VPS13B: variants seen among roughly 807,000 people sequenced by gnomAD.
VPS13B encodes intermembrane lipid transfer protein VPS13B.
A neutral mutation model predicts 426.4 loss-of-function variants in VPS13B; 285 were observed. The observed-to-expected ratio is 0.67, with a 90% confidence interval of 0.61 to 0.74. VPS13B has a LOEUF of 0.74. Among genes scored for constraint, VPS13B ranks in the 30% least tolerant of loss-of-function variants. VPS13B has a pLI of 0.00. For synonymous variants in VPS13B, 1,676 were observed against 1,676.4 expected (o/e 1.00, Z 0.01); for missense variants, 4,537 against 4,782.6 (o/e 0.95, Z 1.51).
chr8:99,514,219 G>A (rs118096092), intron 29 of VPS13B, among the ~76,000 whole-genome samples: 1 of 152,006 alleles, frequency 6.6e-6, no homozygotes, highest in Non-Finnish European at 1.5e-5. Flanking sequence ...TCCTTCTAAG[G>A]CAAAATTTGC....
intron 19 of VPS13B, among the ~76,000 whole-genome samples, chr8:99,292,310 T>C (rs1819780148): frequency 6.6e-6 from 1 of 152,160 alleles, no homozygotes; most frequent in African/African-American, 2.4e-5. Flanking sequence ...GAAGCAGTCA[T>C]GCCCTACTTG....
At chr8:99,205,963 ATAAT>A (rs1814692053) in intron 17 of VPS13B, among the ~76,000 whole-genome samples, 1 of 152,218 alleles carries the variant, frequency 6.6e-6, no homozygotes, top group African/African-American at 2.4e-5. Context: ...TTTAATTAAA[ATAAT>A]AAATTATAAA....
intron 19 of VPS13B, among the ~76,000 whole-genome samples, chr8:99,278,621 A>G (rs1819014613): frequency 6.6e-6 from 1 of 152,178 alleles, no homozygotes; most frequent in African/African-American, 2.4e-5. Flanking sequence ...ACATTTTCCC[A>G]CCATGTTGGG....
At chr8:99,875,148 C>CAACT in intron 61 of VPS13B, 2 of 491,296 alleles carry the variant, frequency 4.1e-6, no homozygotes, top group Admixed American at 6.6e-5. Context: ...ATCAAATCGT[C>CAACT]AACTTCAAAC....
At chr8:99,791,104 G>C (rs1013835299) in intron 43 of VPS13B, among the ~76,000 whole-genome samples, 1 of 152,154 alleles carries the variant, frequency 6.6e-6, no homozygotes, top group Non-Finnish European at 1.5e-5. Context: ...ACACCAAGAA[G>C]AACAAGGGAG....
chr8:99,515,400 T>TTCCTCCTCCTCCTCCTCCTCC (rs751830064), intron 29 of VPS13B, among the ~76,000 whole-genome samples: 1 of 150,726 alleles, frequency 6.6e-6, no homozygotes, highest in African/African-American at 2.5e-5. Flanking sequence ...CTGCTTCTGC[T>TTCCTCCTCCTCCTCCTCCTCC]TCCTCCTCCT....
intron 35 of VPS13B, among the ~76,000 whole-genome samples, chr8:99,689,940 A>G (rs1475864018): frequency 1.3e-5 from 2 of 152,202 alleles, no homozygotes; most frequent in Non-Finnish European, 2.9e-5. Flanking sequence ...ACACCCAAGA[A>G]AAAGACAGTT....
chr8:99,822,238 C>T (rs1230446562), intron 50 of VPS13B, among the ~76,000 whole-genome samples: 1 of 152,154 alleles, frequency 6.6e-6, no homozygotes, highest in East Asian at 1.9e-4. Flanking sequence ...TTCAGATTGA[C>T]CTTTTTCAGG....
intron 16 of VPS13B, among the ~76,000 whole-genome samples, chr8:99,189,022 C>T (rs914609942): frequency 1.3e-5 from 2 of 152,180 alleles, no homozygotes; most frequent in Non-Finnish European, 1.5e-5. Flanking sequence ...GCCTCAGCCT[C>T]CCCAGTAACT....
chr8:99,606,014 G>T (rs1272186910), intron 33 of VPS13B, among the ~76,000 whole-genome samples: 1 of 152,002 alleles, frequency 6.6e-6, no homozygotes, highest in Non-Finnish European at 1.5e-5. Flanking sequence ...TCCCACCTCA[G>T]CCTCCTGAGC....
At chr8:99,445,069 G>A (rs1031239346) in intron 23 of VPS13B, among the ~76,000 whole-genome samples, 2 of 151,884 alleles carry the variant, frequency 1.3e-5, no homozygotes, top group African/African-American at 4.8e-5. Context: ...TCTTACAGTT[G>A]AGTTGTAAGA....
chr8:99,785,192 G>C (rs1588709405), intron 43 of VPS13B, among the ~76,000 whole-genome samples: 1 of 152,174 alleles, frequency 6.6e-6, no homozygotes, highest in African/African-American at 2.4e-5. Context: ...CAAAGATGTA[G>C]TCTTAAGTGA....
At chr8:99,331,272 T>A (rs1810527634) in intron 19 of VPS13B, among the ~76,000 whole-genome samples, 1 of 151,810 alleles carries the variant, frequency 6.6e-6, no homozygotes, top group Admixed American at 6.6e-5. Context: ...ACTTAAGGGA[T>A]CAACCTGTTC....
At chr8:99,772,073 A>G (rs779499695) in intron 40 of VPS13B, among the ~76,000 whole-genome samples, 19 of 152,246 alleles carry the variant, frequency 1.2e-4, no homozygotes, top group Admixed American at 2.0e-4. Context: ...GGCCTTTGCC[A>G]TGCAGTCCTT....
At chr8:99,231,380 C>T (rs1446219889) in intron 17 of VPS13B, among the ~76,000 whole-genome samples, 8 of 152,014 alleles carry the variant, frequency 5.3e-5, no homozygotes, top group Admixed American at 4.6e-4. Context: ...GGTGGTATAA[C>T]GGCTTGCTCA....
chr8:99,544,523 A>G lies in VPS13B; in HGVS notation c.4746-11927A>G, dbSNP rs117236464. Among the ~76,000 whole-genome samples, 321 of 152,276 alleles carry G rather than the reference A, an allele frequency of 2.1e-3. 1 individual carries two copies. Among genetic ancestry groups the G allele is most frequent in the Non-Finnish European group, 3.6e-3 (243 of 68,006 alleles). ...TTTATAATTCAGCCGTAATTATTATACTTATTGAATGTTTTTGAAATGATT... is the reference window on the plus strand; with the variant it reads ...TTTATAATTCAGCCGTAATTATTATGCTTATTGAATGTTTTTGAAATGATT... On this transcript the variant is annotated intron_variant, in intron 30 of 61. Transcript: ENST00000357162.
At chr8:99,228,888 G>C (rs1185002321) in intron 17 of VPS13B, among the ~76,000 whole-genome samples, 1 of 152,040 alleles carries the variant, frequency 6.6e-6, no homozygotes, top group Non-Finnish European at 1.5e-5. Context: ...GAGAAGAGTT[G>C]ACATTTTCAG....
chr8:99,584,359 A>G (rs994406273), intron 33 of VPS13B, among the ~76,000 whole-genome samples: 4 of 152,188 alleles, frequency 2.6e-5, no homozygotes, highest in Admixed American at 6.5e-5. Context: ...AGACAATAAA[A>G]TTTTAAAATT....
chr8:99,623,468 T>G (rs1459607723), intron 33 of VPS13B, among the ~76,000 whole-genome samples: 2 of 151,996 alleles, frequency 1.3e-5, no homozygotes, highest in Admixed American at 1.3e-4. Flanking sequence ...AGTTTTTTTG[T>G]TGTTGTTGTT....
Sources: gnomAD v4.1 joint callset for allele counts (sites outside exome capture counted in the v4.1 genomes callset) on GRCh38, gnomAD v4.1.1 for gene constraint, MANE v1.5 for transcripts, NCBI Gene and HGNC (gene_info 2026-07-23, HGNC 2026-07-21) for gene names.